Variants in WDHD1 observed in about 807,000 individuals in gnomAD.
The protein encoded by WDHD1 is WD repeat and HMG-box DNA binding protein 1.
WDHD1 carries 111 observed loss-of-function variants against 135.4 expected under a neutral mutation model. The observed-to-expected ratio is 0.82, with a 90% CI of 0.70 to 0.96. The LOEUF (loss-of-function observed/expected upper bound fraction) is 0.96, where lower values mean the gene tolerates loss of function less well. Ranked by LOEUF, WDHD1 falls within the 40% of genes least tolerant of loss-of-function variation. The pLI, the probability that WDHD1 is intolerant of heterozygous loss-of-function variation, is 0.00. For synonymous variants in WDHD1, 434 were observed against 439.0 expected, an observed-to-expected ratio of 0.99 and a Z score of 0.14; for missense variants, 1,351 against 1,336.3, an observed-to-expected ratio of 1.01 and a Z score of -0.17.
Position 54,989,199 on chromosome 14 carries a change from A to G in WDHD1, c.1355T>C (p.Ile452Thr). Residue 452 changes from isoleucine to threonine, a missense_variant, in exon 13 of 26, where the codon ATT becomes ACT. Ile to Thr is a moderately conservative substitution (Grantham distance 89). Transcript: ENST00000360586. ...LTHRFMVWNSIGIIRCYNDEQ... is the reference protein window; with the variant it reads ...LTHRFMVWNSTGIIRCYNDEQ... ...ATCATTATAGCAGCGAATAATTCCA[A>G]TAGAGTTCCACACCTACAAACAGGT... The G allele has an allele frequency of 1.2e-6, 2 of 1,612,392 alleles. No homozygotes were observed. Among genetic ancestry groups the G allele is most frequent in the Non-Finnish European group, 8.5e-7 (1 of 1,179,234 alleles).
intron 7 of WDHD1, chr14:55,004,950 C>T: frequency 1.9e-6 from 1 of 537,730 alleles, no homozygotes; most frequent in Non-Finnish European, 3.7e-6. Context: ...CACCTGCACA[C>T]CATCAGACCA....
intron 10 of WDHD1, among the ~76,000 whole-genome samples, chr14:54,998,426 A>G (rs2041922549): frequency 6.6e-6 from 1 of 152,022 alleles, no homozygotes; most frequent in Non-Finnish European, 1.5e-5. Context: ...CACCGTGCCC[A>G]GCCAAAATTT....
chr14:55,021,070 A>AG lies in WDHD1; in HGVS notation c.77+5640dup, dbSNP rs539753664. 2.1e-3 allele frequency among the ~76,000 whole-genome samples: 318 copies of AG among 152,280 alleles called. 1 individual carries two copies. Among genetic ancestry groups the AG allele is most frequent in the African/African-American group, 6.9e-3 (287 of 41,562 alleles). ...AAGTAGAGGAGGAGGCAGGAGAGGC[A>AG]GGCATACTTGGTGTGACCTTATAAA... On this transcript the variant is annotated intron_variant, in intron 2 of 25. Coordinates refer to ENST00000360586, the MANE Select transcript of WDHD1 (RefSeq NM_007086.4).
At chr14:54,991,098 C>T in intron 12 of WDHD1, 115 bp downstream of exon 12, 2 of 579,738 alleles carry the variant, frequency 3.4e-6, no homozygotes, top group Non-Finnish European at 6.1e-6. Flanking sequence ...AACCAAAGTG[C>T]TCCAGGCTAC....
At chr14:54,943,780 A>G (rs935505680) in intron 25 of WDHD1, among the ~76,000 whole-genome samples, 1 of 152,070 alleles carries the variant, frequency 6.6e-6, no homozygotes, top group Non-Finnish European at 1.5e-5. Context: ...TAGAGATTAA[A>G]ACAGTAAACC....
intron 16 of WDHD1, among the ~76,000 whole-genome samples, chr14:54,972,138 G>A (rs1047099259): frequency 1.3e-5 from 2 of 152,048 alleles, no homozygotes; most frequent in Non-Finnish European, 2.9e-5. Flanking sequence ...AGCCAGGCGT[G>A]GTGATGGGCG....
chr14:54,967,346 A>C lies in WDHD1; in HGVS notation c.2112T>G (p.Pro704=). ...GCTTAAAGGATAATATAGCAACAGC[A>C]GGGCGTGGAAGGGTTGGGGGAAACC... The part of the protein sequence containing the change: ...GSRFPPTLPR[P]AVAILSFKLP... Residue 704 remains proline (P), a synonymous_variant, in exon 17 of 26, where the codon CCT becomes CCG. Coordinates refer to ENST00000360586, the MANE Select transcript of WDHD1 (RefSeq NM_007086.4). 2 of 1,612,594 alleles carry C rather than the reference A, an allele frequency of 1.2e-6. No individual in the cohort carries two copies. The highest frequency in any genetic ancestry group is 2.2e-5 in the South Asian group (2 of 91,038).
At chr14:54,952,345 A>G (rs1403011934) in intron 24 of WDHD1, among the ~76,000 whole-genome samples, 1 of 152,242 alleles carries the variant, frequency 6.6e-6, no homozygotes, top group East Asian at 1.9e-4. Flanking sequence ...TTATACACCA[A>G]TAACAGACAA....
At position 54,991,297 on chromosome 14, in the gene WDHD1, T is replaced by C. The variant is rs78167854; in HGVS notation, c.1257A>G (p.Pro419=). 7.4e-6 allele frequency: 12 copies of C among 1,613,962 alleles called. No homozygotes were observed. Among genetic ancestry groups the C allele is most frequent in the East Asian group, 2.2e-5 (1 of 44,882 alleles). Residue 419 remains proline (P), a synonymous_variant, in exon 12 of 26, where the codon CCA becomes CCG. Transcript: ENST00000360586. ...HNLPLVTSQR[P]FYDGPMPTPR... is the part of the protein sequence containing the mutation. The stretch of plus-strand genomic sequence containing the variant: ...GAGTTGGCATGGGTCCATCATAAAA[T>C]GGCCTTTGGGATGTTACAAGTGGTA...
intron 2 of WDHD1, among the ~76,000 whole-genome samples, chr14:55,016,138 C>G (rs562101851): frequency 6.6e-6 from 1 of 152,280 alleles, no homozygotes; most frequent in African/African-American, 2.4e-5. Flanking sequence ...TAGAGTTAAG[C>G]AATCTTCTAA....
chr14:54,962,899 A>G (rs2041275989), intron 19 of WDHD1, 46 bp from the exon 20 acceptor site: 1 of 1,611,318 alleles, frequency 6.2e-7, no homozygotes, highest in African/African-American at 1.3e-5. Flanking sequence ...GCAAAGACCA[A>G]CTTAACATTC....
Position 55,026,811 on chromosome 14 carries a change from T to C in WDHD1, c.-16-8A>G. ...ATGTTTTCCTTTACCTATCTGAAAATGTTTTATAAAAGCCAGTCTTATTAT... is the reference window on the plus strand; with the variant it reads ...ATGTTTTCCTTTACCTATCTGAAAACGTTTTATAAAAGCCAGTCTTATTAT... On this transcript the variant is annotated splice_region_variant and splice_polypyrimidine_tract_variant and intron_variant, in intron 1 of 25. Coordinates refer to ENST00000360586, the MANE Select transcript of WDHD1 (RefSeq NM_007086.4). 1.2e-6 allele frequency: 2 copies of C among 1,613,508 alleles called. No individual in the cohort carries two copies. Among genetic ancestry groups the C allele is most frequent in the South Asian group, 1.1e-5 (1 of 91,060 alleles).
At position 54,991,247 on chromosome 14, in the gene WDHD1, C is replaced by G. The variant is rs1397396222; in HGVS notation, c.1307G>C (p.Gly436Ala). The G allele has an allele frequency of 6.2e-7, 1 of 1,610,752 alleles. No homozygotes were observed. The highest frequency in any genetic ancestry group is 8.5e-7 in the Non-Finnish European group (1 of 1,177,142). The change falls in exon 12 of 26, where the codon GGT becomes GCT. Residue 436 changes from glycine (G) to alanine (A), a missense_variant. Coordinates refer to ENST00000360586, the MANE Select transcript of WDHD1 (RefSeq NM_007086.4). ...GTGAGTGAGATGCAACGGTGTAGAACCTGACTGAAATGGCTTTTGCCGGGG... is the reference window on the plus strand; with the variant it reads ...GTGAGTGAGATGCAACGGTGTAGAAGCTGACTGAAATGGCTTTTGCCGGGG... Reference protein sequence around the residue: ...PTPRQKPFQSGSTPLHLTHRF... With the variant: ...PTPRQKPFQSASTPLHLTHRF...
intron 2 of WDHD1, among the ~76,000 whole-genome samples, chr14:55,023,004 T>G (rs747050465): frequency 4.6e-5 from 7 of 151,944 alleles, no homozygotes. Context: ...TTTTGCATTT[T>G]TAGTAGAGAC....
intron 22 of WDHD1, 32 bp downstream of exon 22, chr14:54,957,556 TTTAA>T: frequency 6.5e-7 from 1 of 1,532,546 alleles, no homozygotes; most frequent in Non-Finnish European, 8.9e-7. Context: ...TACAAATGTA[TTTAA>T]ATAATATAAA....
At chr14:54,979,432 A>G (rs1324857802) in intron 16 of WDHD1, among the ~76,000 whole-genome samples, 2 of 152,176 alleles carry the variant, frequency 1.3e-5, no homozygotes, top group East Asian at 1.9e-4. Context: ...TTGGGATTAC[A>G]GGCGTGAGCC....
intron 7 of WDHD1, among the ~76,000 whole-genome samples, chr14:55,003,001 G>T (rs2042000386): frequency 1.3e-5 from 2 of 151,970 alleles, no homozygotes; most frequent in South Asian, 4.2e-4. Context: ...AACAAGAAAT[G>T]TATCTTCTTA....
At chr14:54,967,641 G>A (rs958568099) in intron 16 of WDHD1, among the ~76,000 whole-genome samples, 4 of 151,798 alleles carry the variant, frequency 2.6e-5, no homozygotes, top group African/African-American at 9.7e-5. Flanking sequence ...TTTTTTTTGA[G>A]ACAGGGTCTC....
chr14:54,956,236 T>TA lies in WDHD1; in HGVS notation c.2917-543dup, dbSNP rs1398826609. Among the ~76,000 whole-genome samples the TA allele has an allele frequency of 2.6e-5, 4 of 152,244 alleles. No individual in the cohort carries two copies. The East Asian group carries it at 5.8e-4, about 22-fold the overall frequency. On this transcript the variant is annotated intron_variant, in intron 23 of 25. Transcript: ENST00000360586. The stretch of plus-strand genomic sequence containing the variant: ...AATATCAGCCACTATTAAATACGAA[T>TA]ATACATCAGAACTATCTGGGTGATT...
Sources: gnomAD v4.1 joint callset for allele counts (sites outside exome capture counted in the v4.1 genomes callset) on GRCh38, gnomAD v4.1.1 for gene constraint, MANE v1.5 for transcripts, NCBI Gene and HGNC (gene_info 2026-07-23, HGNC 2026-07-21) for gene names.